Variants in LRRC3B observed in about 807,000 individuals in gnomAD.
LRRC3B encodes leucine-rich repeat-containing protein 3B.
Under a neutral mutation model 12.8 loss-of-function variants are expected in LRRC3B, and 2 were observed. The observed-to-expected ratio is 0.16, with a 90% confidence interval of 0.06 to 0.49. LRRC3B has a LOEUF of 0.49. Ranked by LOEUF, LRRC3B falls within the 20% of genes least tolerant of loss-of-function variation. The pLI, the probability that LRRC3B is intolerant of heterozygous loss-of-function variation, is 0.96. For synonymous variants in LRRC3B, 132 were observed against 122.0 expected (o/e 1.08, Z -0.54); for missense variants, 189 against 319.4 (o/e 0.59, Z 3.11).
chr3:26,694,858 T>C (rs369135283), intron 1 of LRRC3B: 1 of 152,194 alleles, frequency 6.6e-6, no homozygotes, highest in African/African-American at 2.4e-5. Flanking sequence ...TCCTGGCCAA[T>C]CTCTTTGTTT....
chr3:26,645,164 G>A (rs1377329841), intron 1 of LRRC3B, among the ~76,000 whole-genome samples: 2 of 152,098 alleles, frequency 1.3e-5, no homozygotes, highest in Non-Finnish European at 2.9e-5. Flanking sequence ...ATAGTTGCAG[G>A]AAAAAATAGA....
intron 1 of LRRC3B, among the ~76,000 whole-genome samples, chr3:26,682,903 T>TA (rs1408786371): frequency 2.0e-5 from 3 of 152,242 alleles, no homozygotes; most frequent in Non-Finnish European, 4.4e-5. Flanking sequence ...CCAAACAATG[T>TA]AAAATCTGAG....
intron 1 of LRRC3B, among the ~76,000 whole-genome samples, chr3:26,671,014 T>TC (rs1332306572): frequency 7.3e-6 from 1 of 137,154 alleles, no homozygotes; most frequent in Non-Finnish European, 1.6e-5. Flanking sequence ...CATGTATCTT[T>TC]TTTTTTTTTT....
At chr3:26,667,310 G>A (rs1177360924) in intron 1 of LRRC3B, among the ~76,000 whole-genome samples, 1 of 152,122 alleles carries the variant, frequency 6.6e-6, no homozygotes, top group Non-Finnish European at 1.5e-5. Context: ...CTGTTAAAAT[G>A]TCTGGGTTGT....
intron 1 of LRRC3B, among the ~76,000 whole-genome samples, chr3:26,699,484 A>C (rs922642121): frequency 2.0e-5 from 3 of 152,128 alleles, no homozygotes; most frequent in Non-Finnish European, 1.5e-5. Flanking sequence ...CCAGTTTCTG[A>C]GTCTTCATTT....
rs142757273 is a variant in LRRC3B, at chr3:26,685,080, C to T, written c.-160-24433C>T. On this transcript the variant is annotated intron_variant, in intron 1 of 1. Coordinates refer to ENST00000396641, the Ensembl canonical transcript of LRRC3B. ...CCAATTCTCCTGCCTGAGCCTCCTG[C>T]GTAGCTGGGATTATGGGCGTGTGCC... Among the ~76,000 whole-genome samples, 369 of 152,156 alleles carry T rather than the reference C, an allele frequency of 2.4e-3. 3 individuals are homozygous for T. The highest frequency in any genetic ancestry group is 8.6e-3 in the African/African-American group (356 of 41,512).
chr3:26,671,361 T>TAGAGAGAG (rs1168710721), intron 1 of LRRC3B, among the ~76,000 whole-genome samples: 1 of 49,268 alleles, frequency 2.0e-5, no homozygotes, highest in Non-Finnish European at 3.8e-5. Context: ...TATATATATA[T>TAGAGAGAG]ATATATATAT....
At chr3:26,701,615 A>C (rs928831358) in intron 1 of LRRC3B, among the ~76,000 whole-genome samples, 1 of 151,732 alleles carries the variant, frequency 6.6e-6, no homozygotes, top group Non-Finnish European at 1.5e-5. Context: ...TTATTGACAA[A>C]CTCTGGGAGT....
intron 1 of LRRC3B, among the ~76,000 whole-genome samples, chr3:26,700,057 A>G (rs1380330013): frequency 1.3e-5 from 2 of 152,196 alleles, no homozygotes; most frequent in South Asian, 2.1e-4. Context: ...GAGTTAATGT[A>G]TTCAGAAGAG....
intron 1 of LRRC3B, among the ~76,000 whole-genome samples, chr3:26,683,413 C>T (rs960712628): frequency 6.7e-6 from 1 of 149,836 alleles, no homozygotes; most frequent in Admixed American, 6.6e-5. Context: ...TTCTTTGGGG[C>T]CCACCAGTTT....
exon 2 of LRRC3B, chr3:26,710,636 A>G (rs1040724323): frequency 8.8e-6 from 5 of 569,978 alleles, no homozygotes; most frequent in East Asian, 2.9e-5. Flanking sequence ...TAGGTGATCC[A>G]CCCCTTAATT....
intron 1 of LRRC3B, among the ~76,000 whole-genome samples, chr3:26,659,735 A>G (rs1699455288): frequency 6.6e-6 from 1 of 152,176 alleles, no homozygotes; most frequent in Non-Finnish European, 1.5e-5. Flanking sequence ...TTTTCTGAAA[A>G]TAGAATGTTC....
At chr3:26,667,545 G>A (rs1165857840) in intron 1 of LRRC3B, among the ~76,000 whole-genome samples, 1 of 152,128 alleles carries the variant, frequency 6.6e-6, no homozygotes, top group South Asian at 2.1e-4. Context: ...CATCCCTAAA[G>A]TATGGCCCCC....
At chr3:26,639,464 G>A (rs1698973567) in intron 1 of LRRC3B, among the ~76,000 whole-genome samples, 1 of 136,164 alleles carries the variant, frequency 7.3e-6, no homozygotes, top group Admixed American at 7.2e-5. Context: ...ATTTTCCAAT[G>A]ACTGAATTGG....
intron 1 of LRRC3B, among the ~76,000 whole-genome samples, chr3:26,688,617 G>C (rs1284763247): frequency 6.6e-6 from 1 of 152,116 alleles, no homozygotes; most frequent in African/African-American, 2.4e-5. Context: ...AGGAGAGGGA[G>C]ATGCCACACA....
At chr3:26,692,236 G>C (rs1700207125) in intron 1 of LRRC3B, among the ~76,000 whole-genome samples, 1 of 152,186 alleles carries the variant, frequency 6.6e-6, no homozygotes, top group African/African-American at 2.4e-5. Flanking sequence ...TACAGGTGGA[G>C]AAACTGAGTA....
intron 1 of LRRC3B, among the ~76,000 whole-genome samples, chr3:26,656,309 A>G (rs904024518): frequency 3.9e-5 from 6 of 152,154 alleles, no homozygotes; most frequent in African/African-American, 7.2e-5. Flanking sequence ...ACAAAAGTTT[A>G]TTTCTTGATT....
intron 1 of LRRC3B, among the ~76,000 whole-genome samples, chr3:26,647,808 A>C (rs2125412873): frequency 6.6e-6 from 1 of 152,328 alleles, no homozygotes; most frequent in East Asian, 1.9e-4. Context: ...AATCCCATGG[A>C]GTACACAGAG....
chr3:26,627,218 C>T (rs939126659), intron 1 of LRRC3B, among the ~76,000 whole-genome samples: 4 of 152,144 alleles, frequency 2.6e-5, no homozygotes, highest in African/African-American at 9.7e-5. Context: ...CCAAGAACAC[C>T]TCATGTCTTT....
Sources: gnomAD v4.1 joint callset for allele counts (sites outside exome capture counted in the v4.1 genomes callset) on GRCh38, gnomAD v4.1.1 for gene constraint, MANE v1.5 for transcripts, NCBI Gene and HGNC (gene_info 2026-07-23, HGNC 2026-07-21) for gene names.